MSI1: variants seen among roughly 807,000 people sequenced by gnomAD.
MSI1 encodes the protein RNA-binding protein Musashi homolog 1.
MSI1 carries 15 observed loss-of-function variants against 54.4 expected under a neutral mutation model. The observed-to-expected ratio is 0.28, with a 90% CI of 0.18 to 0.42. The LOEUF (loss-of-function observed/expected upper bound fraction) is 0.42. MSI1 is among the 20% of genes least tolerant of loss of function. MSI1 has a pLI of 1.00. For synonymous variants in MSI1, 200 were observed against 196.5 expected, an observed-to-expected ratio of 1.02 and a Z score of -0.15; for missense variants, 304 against 506.0, an observed-to-expected ratio of 0.60 and a Z score of 3.83.
rs1029893615 is a variant in MSI1 at position 120,368,306 on chromosome 12, G to C, written c.101-33C>G. On this transcript the variant is annotated intron_variant, in intron 2 of 14. Coordinates refer to ENST00000257552, the MANE Select transcript of MSI1 (RefSeq NM_002442.4). This position sits in a 1 kb window ranked among gnomAD's most constrained non-coding sequence, Gnocchi z 6.6. ...CACACACCCGCCTTCGGACCAGCCC[G>C]GGCCCCGCGCCCTTCCCCCCCCCCC... 3 of 1,527,380 alleles carry C rather than the reference G, an allele frequency of 2.0e-6. No individual in the cohort carries two copies. Among genetic ancestry groups the C allele is most frequent in the Middle Eastern group, 1.8e-4 (1 of 5,640 alleles). The allele number at this position is 1,527,380 out of a possible 1,614,324, so 94.6% of individuals were successfully genotyped here. A position where few individuals can be genotyped will look rare whatever the true frequency, so the allele number is the denominator to read the frequency against.
intron 5 of MSI1, among the ~76,000 whole-genome samples, chr12:120,363,400 T>C (rs1371454923): frequency 6.6e-6 from 1 of 151,604 alleles, no homozygotes; most frequent in East Asian, 2.0e-4. Context: ...ATGCCTTCCC[T>C]AAGGACTAAC....
chr12:120,357,245 A>G (rs753553581), intron 8 of MSI1, among the ~76,000 whole-genome samples: 4 of 152,186 alleles, frequency 2.6e-5, no homozygotes, highest in Non-Finnish European at 5.9e-5. Context: ...ACTATGATGG[A>G]GGAGCTTTTC....
At chr12:120,359,615 G>T (rs1443710355) in intron 6 of MSI1, among the ~76,000 whole-genome samples, 1 of 152,114 alleles carries the variant, frequency 6.6e-6, no homozygotes, top group Admixed American at 6.6e-5. Context: ...CCCACTGACT[G>T]GGGGAAGGGA....
intron 5 of MSI1, among the ~76,000 whole-genome samples, chr12:120,363,424 C>T (rs762611358): frequency 1.2e-4 from 18 of 152,198 alleles, no homozygotes; most frequent in Non-Finnish European, 1.9e-4. Context: ...GGGAAGGGGG[C>T]GGGCCAGTGA....
chr12:120,351,269 C>T (rs557862667), intron 11 of MSI1, 75 bp downstream of exon 11: 18 of 1,360,668 alleles, frequency 1.3e-5, no homozygotes, highest in Admixed American at 1.9e-5. Context: ...CGCTAGCTTT[C>T]CCCAGGAAAC....
Position 120,369,079 on chromosome 12 carries a change from C to T in MSI1, c.13G>A (p.Ala5Thr). METD[A>T]PQPGLASPDS... is the part of the protein sequence containing the mutation. ...GGGGAGGCGAGGCCGGGCTGGGGCGCGTCAGTCTCCATCGGGAGCCGCGGG... is the reference window on the plus strand; with the variant it reads ...GGGGAGGCGAGGCCGGGCTGGGGCGTGTCAGTCTCCATCGGGAGCCGCGGG... Residue 5 changes from alanine (A) to threonine (T), a missense_variant, in exon 1 of 15, where the codon GCG (alanine) becomes ACG (threonine). Around this residue, in one of 4 missense-constraint regions of MSI1, gnomAD observed 30 missense variants for 24.8 expected, o/e 1.21. Transcript: ENST00000257552. 4.9e-6 allele frequency: 5 copies of T among 1,021,050 alleles called. No homozygotes were observed. The highest frequency in any genetic ancestry group is 5.8e-6 in the Non-Finnish European group (5 of 857,584). 63.2% of individuals were successfully genotyped at this position (1,021,050 alleles called of 1,614,324 possible). A position where few individuals can be genotyped will look rare whatever the true frequency, so the allele number is the denominator to read the frequency against.
chr12:120,351,948 T>G (rs1016015749), intron 10 of MSI1, among the ~76,000 whole-genome samples: 1 of 149,564 alleles, frequency 6.7e-6, no homozygotes, highest in Non-Finnish European at 1.5e-5. Flanking sequence ...GACCTCGTGA[T>G]CCGCCCGTCT....
In MSI1 at chr12:120,342,921, AG is replaced by A. The variant is rs1432750155; in HGVS notation, c.*205del. 1 of 61,656 alleles carries A rather than the reference AG, an allele frequency of 1.6e-5. No homozygotes were observed. The highest frequency in any genetic ancestry group is 3.2e-5 in the Non-Finnish European group (1 of 31,322). The allele number at this position is 61,656 out of a possible 1,614,324, so 3.8% of individuals were successfully genotyped here. A position where few individuals can be genotyped will look rare whatever the true frequency, so the allele number is the denominator to read the frequency against. On this transcript the variant is annotated 3_prime_UTR_variant, in exon 15 of 15. Coordinates refer to ENST00000257552, the MANE Select transcript of MSI1 (RefSeq NM_002442.4). ...GGTGGGGATGGGGGCAAGGGCGAAG[AG>A]GGGGACGTTAGTAGGGGAGCCAGAC...
intron 11 of MSI1, among the ~76,000 whole-genome samples, chr12:120,348,902 T>A (rs753973489): frequency 2.6e-4 from 39 of 151,694 alleles, no homozygotes; most frequent in Middle Eastern, 3.4e-3. Context: ...TCAAAAAAAA[T>A]AAATAAATAA....
rs538776008 is a variant in MSI1 at position 120,367,889 on chromosome 12, A to C, written c.267+119T>G. The C allele has an allele frequency of 1.5e-5, 15 of 1,021,078 alleles. No homozygotes were observed. The African/African-American group carries it at 2.1e-4, about 14-fold the overall frequency. 63.3% of individuals were successfully genotyped at this position (1,021,078 alleles called of 1,614,324 possible). A position where few individuals can be genotyped will look rare whatever the true frequency, so the allele number is the denominator to read the frequency against. ...TCAGAGCATGGCAGCCCTCTTACTC[A>C]GAAAAACTCCCTCCTTCCTCATGGA... On this transcript the variant is annotated intron_variant, in intron 4 of 14. Transcript: ENST00000257552.
intron 7 of MSI1, 114 bp downstream of exon 7, chr12:120,358,891 C>T (rs752036224): frequency 4.5e-5 from 56 of 1,240,452 alleles, no homozygotes; most frequent in Non-Finnish European, 5.2e-5. Flanking sequence ...TGGGAGAGGA[C>T]GCAGATCCTG....
Position 120,347,630 on chromosome 12 carries a change from T to C in MSI1, c.791-116A>G. On this transcript the variant is annotated intron_variant, in intron 11 of 14. Transcript: ENST00000257552. Reference sequence around the variant, plus strand: ...CCTGGCCCTACCTCAGAGGGTTCCATGTAGCCCCAGGGTCAAGGCAGAAAA... The same window carrying C: ...CCTGGCCCTACCTCAGAGGGTTCCACGTAGCCCCAGGGTCAAGGCAGAAAA... 6.2e-6 allele frequency: 8 copies of C among 1,285,710 alleles called. No individual in the cohort carries two copies. The South Asian group carries it at 7.6e-5, about 12-fold the overall frequency. The allele number at this position is 1,285,710 out of a possible 1,614,324, so 79.6% of individuals were successfully genotyped here.
intron 6 of MSI1, chr12:120,361,330 C>T (rs1875618722): frequency 6.6e-6 from 1 of 152,350 alleles, no homozygotes; most frequent in Admixed American, 6.5e-5. Flanking sequence ...ACAACTTCTC[C>T]CACCTTCCTC....
intron 6 of MSI1, among the ~76,000 whole-genome samples, chr12:120,361,143 G>A (rs1875598425): frequency 6.6e-6 from 1 of 152,202 alleles, no homozygotes; most frequent in Non-Finnish European, 1.5e-5. Context: ...AAGGTTGCAT[G>A]AGGACATCGT....
At chr12:120,344,191 C>T (rs1255629260) in intron 14 of MSI1, among the ~76,000 whole-genome samples, 2 of 152,214 alleles carry the variant, frequency 1.3e-5, no homozygotes, top group East Asian at 3.8e-4. Flanking sequence ...TACTATACCA[C>T]TGTACACACA....
intron 4 of MSI1, 128 bp downstream of exon 4, chr12:120,367,880 C>T: frequency 1.1e-6 from 1 of 904,652 alleles, no homozygotes; most frequent in Non-Finnish European, 1.7e-6. Flanking sequence ...CATGGCAGCC[C>T]TCTTACTCAG....
chr12:120,364,574 C>T (rs1875900814), intron 5 of MSI1, 140 bp downstream of exon 5: 1 of 780,984 alleles, frequency 1.3e-6, no homozygotes. Flanking sequence ...TCAAGAATCC[C>T]CTCTTCCCAG....
intron 5 of MSI1, among the ~76,000 whole-genome samples, chr12:120,364,005 C>T (rs1875860022): frequency 6.6e-6 from 1 of 152,210 alleles, no homozygotes; most frequent in Non-Finnish European, 1.5e-5. Context: ...CGCAATCAGT[C>T]TCTCCTTCTG....
chr12:120,357,971 C>A, intron 7 of MSI1, 73 bp from the exon 8 acceptor site: 1 of 1,249,244 alleles, frequency 8.0e-7, no homozygotes, highest in Non-Finnish European at 1.2e-6. Flanking sequence ...CCAGGTCGTA[C>A]CAATATCCCC....
Sources: allele counts gnomAD v4.1 joint callset (sites outside exome capture counted in the v4.1 genomes callset), GRCh38; gene constraint gnomAD v4.1.1; regional missense constraint gnomAD v4.1.1; non-coding constraint Gnocchi (gnomAD v3.1); transcripts MANE v1.5; gene names NCBI Gene and HGNC (gene_info 2026-07-23, HGNC 2026-07-21).